Variants in OR51B5 observed in about 807,000 individuals in gnomAD.
OR51B5 encodes the protein olfactory receptor family 51 subfamily B member 5, also known as olfactory receptor 51B5.
For missense variants in OR51B5, 456 were observed against 374.6 expected (o/e 1.22, Z -1.79); for synonymous variants, 186 against 144.8 (o/e 1.28, Z -2.04).
intron 1 of OR51B5, among the ~76,000 whole-genome samples, chr11:5,426,502 C>T (rs1458946742): frequency 6.6e-6 from 1 of 151,934 alleles, no homozygotes; most frequent in African/African-American, 2.4e-5. Context: ...GAGTTGCTGA[C>T]CTAAGTAACT....
At position 5,442,530 on chromosome 11, in the gene OR51B5, T is replaced by C. The variant is rs147494764; in HGVS notation, n.84+63039A>G. Among the ~76,000 whole-genome samples the C allele has an allele frequency of 9.9e-5, 15 of 152,256 alleles. 1 individual carries two copies. In the East Asian group the frequency reaches 2.7e-3, roughly 27 times the overall value. The stretch of plus-strand genomic sequence containing the variant: ...AAGTATGTGCAAGACTATTCCATCA[T>C]AAAGATGCGATAACATTCTTCTCTA... On this transcript the variant is annotated intron_variant and non_coding_transcript_variant, in intron 1 of 4. Transcript: ENST00000415970.
chr11:5,347,111 AC>A (rs1194592987), upstream of OR51B5, among the ~76,000 whole-genome samples: 1 of 152,158 alleles, frequency 6.6e-6, no homozygotes, highest in Admixed American at 6.6e-5. Context: ...GAATCAAGCC[AC>A]TGGTAGGACC....
chr11:5,464,048 GC>G (rs1297348011), intron 1 of OR51B5, among the ~76,000 whole-genome samples: 11 of 152,136 alleles, frequency 7.2e-5, no homozygotes, highest in Non-Finnish European at 1.5e-4. Flanking sequence ...TGGGGAAATT[GC>G]TTTTTTATGA....
chr11:5,502,733 G>C (rs74324828), intron 1 of OR51B5, among the ~76,000 whole-genome samples: 25 of 152,254 alleles, frequency 1.6e-4, no homozygotes, highest in African/African-American at 6.0e-4. Flanking sequence ...TGTAAAAATA[G>C]GTGTAATTAT....
chr11:5,440,817 TG>T, intron 1 of OR51B5: 1 of 1,613,884 alleles, frequency 6.2e-7, no homozygotes. Flanking sequence ...CCGCTGTTCC[TG>T]GGATATGATG....
chr11:5,344,449 C>CCCTTTA (rs1461433483), upstream of OR51B5, among the ~76,000 whole-genome samples: 1 of 152,196 alleles, frequency 6.6e-6, no homozygotes, highest in Non-Finnish European at 1.5e-5. Flanking sequence ...TGGTTTCCTT[C>CCCTTTA]CCTTTATCCC....
chr11:5,462,400 T>G (rs1318201905), intron 1 of OR51B5, among the ~76,000 whole-genome samples: 1 of 152,182 alleles, frequency 6.6e-6, no homozygotes, highest in African/African-American at 2.4e-5. Flanking sequence ...GAGAACTTGG[T>G]AGAAGAGTGT....
intron 1 of OR51B5, among the ~76,000 whole-genome samples, chr11:5,417,233 G>C (rs11037379): frequency 0.82 from 120,266 of 147,006 alleles, 50,035 homozygotes; most frequent in Non-Finnish European, 0.89. Flanking sequence ...TATGTAGAAA[G>C]CTGAAACTGG....
At position 5,502,519 on chromosome 11, in the gene OR51B5, C is replaced by T. The variant is rs75106081; in HGVS notation, n.84+3050G>A. On this transcript the variant is annotated intron_variant and non_coding_transcript_variant, in intron 1 of 4. Transcript: ENST00000415970. ...ATTCTATCATTCTAAAAATACATCC[C>T]TCCTCCTGCCATATGCACTAGCAAT... Among the ~76,000 whole-genome samples, 26 of 152,266 alleles carry T rather than the reference C, an allele frequency of 1.7e-4. No individual in the cohort carries two copies. In the East Asian group the frequency reaches 4.8e-3, roughly 28 times the overall value.
At chr11:5,447,715 A>T (rs1318030049) in intron 1 of OR51B5, among the ~76,000 whole-genome samples, 1 of 152,082 alleles carries the variant, frequency 6.6e-6, no homozygotes, top group Non-Finnish European at 1.5e-5. Flanking sequence ...GGGCAGGAAG[A>T]AGGAACTTGT....
intron 1 of OR51B5, among the ~76,000 whole-genome samples, chr11:5,475,981 T>C (rs1312325636): frequency 6.6e-6 from 1 of 152,220 alleles, no homozygotes; most frequent in Non-Finnish European, 1.5e-5. Flanking sequence ...GCTTGATTCT[T>C]TTTAGATGAA....
At chr11:5,405,830 G>C (rs1403704866) in intron 1 of OR51B5, among the ~76,000 whole-genome samples, 1 of 152,156 alleles carries the variant, frequency 6.6e-6, no homozygotes, top group Non-Finnish European at 1.5e-5. Context: ...CTGGGGATCT[G>C]CAGTTGTCTA....
chr11:5,371,339 T>G (rs1453745342), intron 1 of OR51B5, among the ~76,000 whole-genome samples: 1 of 152,170 alleles, frequency 6.6e-6, no homozygotes, highest in Admixed American at 6.5e-5. Flanking sequence ...TCATTCTCTG[T>G]GGCTCATAAA....
intron 1 of OR51B5, among the ~76,000 whole-genome samples, chr11:5,375,171 C>T (rs1849504930): frequency 6.8e-6 from 1 of 146,858 alleles, no homozygotes; most frequent in South Asian, 2.3e-4. Context: ...AGAGTGGGGG[C>T]CAATATTCAA....
rs535901944 is a variant in OR51B5, at chr11:5,396,389, A to C, written n.85-49479T>G. ...CAGCAAAGTCTCAGGATACAAAATC[A>C]ATGTGCAAAAATCACAAGCATTCTT... On this transcript the variant is annotated intron_variant and non_coding_transcript_variant, in intron 1 of 4. Transcript: ENST00000415970. Among the ~76,000 whole-genome samples the C allele has an allele frequency of 4.7e-3, 721 of 152,354 alleles. 4 individuals are homozygous for C. The highest frequency in any genetic ancestry group is 0.016 in the African/African-American group (673 of 41,582).
At chr11:5,489,456 C>A (rs769058317) in intron 1 of OR51B5, 3 of 1,614,048 alleles carry the variant, frequency 1.9e-6, no homozygotes, top group South Asian at 2.2e-5. Context: ...ACATTGGCAT[C>A]ATCCTGGTTT....
chr11:5,480,700 C>A (rs1415184748), intron 1 of OR51B5, among the ~76,000 whole-genome samples: 1 of 151,178 alleles, frequency 6.6e-6, no homozygotes, highest in Non-Finnish European at 1.5e-5. Context: ...CACAGAAATA[C>A]AAACTACCAT....
At chr11:5,382,541 C>T (rs1406890017) in intron 1 of OR51B5, among the ~76,000 whole-genome samples, 1 of 152,120 alleles carries the variant, frequency 6.6e-6, no homozygotes, top group Non-Finnish European at 1.5e-5. Context: ...GTTATACTGT[C>T]CTTGGCTAGG....
At chr11:5,391,951 C>A (rs536248121) in intron 1 of OR51B5, 1 of 152,238 alleles carries the variant, frequency 6.6e-6, no homozygotes, top group Non-Finnish European at 1.5e-5. Context: ...CGTCTGTAGT[C>A]TCAGCTACCT....
Sources: gnomAD v4.1 joint callset for allele counts (sites outside exome capture counted in the v4.1 genomes callset) on GRCh38, gnomAD v4.1.1 for gene constraint, MANE v1.5 for transcripts, NCBI Gene and HGNC (gene_info 2026-07-23, HGNC 2026-07-21) for gene names.